Variants in TRIM9 observed in about 807,000 individuals in gnomAD.
TRIM9 encodes the protein tripartite motif containing 9.
In TRIM9, 26 loss-of-function variants were observed where a neutral mutation model predicts 78.3. The observed-to-expected ratio is 0.33, with a 90% CI of 0.24 to 0.46. The LOEUF (loss-of-function observed/expected upper bound fraction) is 0.46. TRIM9 is among the 20% of genes least tolerant of loss of function. The pLI is 1.00. For missense variants in TRIM9, 787 were observed against 1,036.4 expected, an observed-to-expected ratio of 0.76 and a Z score of 3.30; for synonymous variants, 398 against 416.5, an observed-to-expected ratio of 0.96 and a Z score of 0.54.
rs139123393 is a variant in TRIM9 at position 51,024,732 on chromosome 14, G to A, written c.918+533C>T. Among the ~76,000 whole-genome samples the A allele has an allele frequency of 1.2e-4, 19 of 152,052 alleles. No individual in the cohort carries two copies. In the East Asian group the frequency reaches 3.5e-3, roughly 28 times the overall value. On this transcript the variant is annotated intron_variant, in intron 2 of 12. Coordinates refer to ENST00000684578, the MANE Select transcript of TRIM9 (RefSeq NM_001387360.1). ...ATTTAAATGTCTAAGCAGAGGAGAA[G>A]CATTATTGTGGGTCAGGGAGGAAGA...
At chr14:51,064,369 C>T (rs916790257) in intron 1 of TRIM9, among the ~76,000 whole-genome samples, 10 of 151,846 alleles carry the variant, frequency 6.6e-5, no homozygotes, top group Non-Finnish European at 1.0e-4. Flanking sequence ...AGCCTTAAAT[C>T]CAACCTTAGC....
chr14:50,985,855 C>T (rs1409076489), intron 8 of TRIM9, 101 bp downstream of exon 8: 4 of 1,078,284 alleles, frequency 3.7e-6, no homozygotes, highest in East Asian at 5.9e-5. Context: ...ACTAGCTCAT[C>T]CCCCTCACCA....
chr14:51,020,807 A>G (rs2057685953), intron 3 of TRIM9, among the ~76,000 whole-genome samples: 1 of 152,240 alleles, frequency 6.6e-6, no homozygotes, highest in Non-Finnish European at 1.5e-5. Context: ...TCAATCATCA[A>G]AAAATTCCTC....
intron 1 of TRIM9, among the ~76,000 whole-genome samples, chr14:51,057,852 G>A (rs2061008993): frequency 6.6e-6 from 1 of 152,278 alleles, no homozygotes; most frequent in African/African-American, 2.4e-5. Flanking sequence ...CAGGAGGTAA[G>A]TGGAAAAGAT....
chr14:51,036,138 C>A (rs2059131010), intron 1 of TRIM9, among the ~76,000 whole-genome samples: 1 of 152,154 alleles, frequency 6.6e-6, no homozygotes, highest in African/African-American at 2.4e-5. Context: ...CAAAAAGTGG[C>A]TCTTCCACCT....
intron 1 of TRIM9, among the ~76,000 whole-genome samples, chr14:51,048,051 T>G (rs1236106451): frequency 1.3e-5 from 2 of 152,138 alleles, no homozygotes; most frequent in African/African-American, 2.4e-5. Context: ...TGGCTCTAAT[T>G]AATAGCTTGC....
intron 9 of TRIM9, among the ~76,000 whole-genome samples, 197 bp downstream of exon 9, chr14:50,983,183 G>A (rs1293619797): frequency 1.3e-5 from 2 of 152,204 alleles, no homozygotes; most frequent in Non-Finnish European, 2.9e-5. Context: ...TGGGGGAAAA[G>A]TAAGGTTTGA....
At chr14:50,993,689 C>G (rs2053828464) in intron 7 of TRIM9, among the ~76,000 whole-genome samples, 1 of 152,194 alleles carries the variant, frequency 6.6e-6, no homozygotes. Context: ...CTACACAGCG[C>G]TGCTTCATTT....
intron 8 of TRIM9, among the ~76,000 whole-genome samples, chr14:50,985,470 T>C (rs2052578515): frequency 6.6e-6 from 1 of 152,206 alleles, no homozygotes; most frequent in Non-Finnish European, 1.5e-5. Flanking sequence ...GGTGTGTTTT[T>C]ACTTTTATTG....
chr14:50,981,991 A>T lies in TRIM9; in HGVS notation c.1971T>A (p.Thr657=). The stretch of plus-strand genomic sequence containing the variant: ...AGTAGTGGATGCCCTTGGAGAAGCC[A>T]GTCTTCCCTAGCACCACCCGGTCAT... ...SYDDRVVLGK[T]GFSKGIHYWE... The change falls in exon 11 of 13, where the codon ACT becomes ACA. Residue 657 remains threonine, a synonymous_variant. Transcript: ENST00000684578. The T allele has an allele frequency of 6.2e-7, 1 of 1,614,194 alleles. No individual in the cohort carries two copies. The highest frequency in any genetic ancestry group is 8.5e-7 in the Non-Finnish European group (1 of 1,180,034).
At chr14:51,050,371 C>T (rs2060303575) in intron 1 of TRIM9, among the ~76,000 whole-genome samples, 1 of 152,158 alleles carries the variant, frequency 6.6e-6, no homozygotes, top group Non-Finnish European at 1.5e-5. Flanking sequence ...AGAGGAATCC[C>T]CTTTCACTTG....
intron 1 of TRIM9, among the ~76,000 whole-genome samples, 178 bp downstream of exon 1, chr14:51,093,940 C>T (rs1260420449): frequency 6.6e-6 from 1 of 152,252 alleles, no homozygotes; most frequent in Non-Finnish European, 1.5e-5. Flanking sequence ...CTCCCCCGTG[C>T]GCCGGTTAAG....
At chr14:51,045,300 C>T (rs1401604027) in intron 1 of TRIM9, among the ~76,000 whole-genome samples, 1 of 152,228 alleles carries the variant, frequency 6.6e-6, no homozygotes, top group Admixed American at 6.5e-5. Context: ...TTGAAGAACA[C>T]AAAATTTATC....
intron 2 of TRIM9, among the ~76,000 whole-genome samples, chr14:51,023,896 A>ATTTAAGG (rs554195313): frequency 5.8e-4 from 89 of 152,358 alleles, no homozygotes; most frequent in South Asian, 2.5e-3. Flanking sequence ...ATTTAAATTT[A>ATTTAAGG]TTTAAGGCAC....
chr14:50,986,106 G>T lies in TRIM9; in HGVS notation c.1642C>A (p.Pro548Thr). ...CTACGGAGCGGCAATCTTTCCGAAG[G>T]CACTGGAAAAGGGAGGGTCTGTTCT... is the stretch of plus-strand genomic sequence containing the variant. ...SEEQTLPFPVPSERLPLRRMS... is the reference protein window; with the variant it reads ...SEEQTLPFPVTSERLPLRRMS... Residue 548 changes from proline (P) to threonine (T), a missense_variant, in exon 8 of 13, where the codon CCT becomes ACT. Pro to Thr is a conservative substitution (Grantham distance 38). Coordinates refer to ENST00000684578, the MANE Select transcript of TRIM9 (RefSeq NM_001387360.1). 6.5e-7 allele frequency: 1 copy of T among 1,543,762 alleles called. No homozygotes were observed. Among genetic ancestry groups the T allele is most frequent in the Non-Finnish European group, 8.7e-7 (1 of 1,143,424 alleles).
At chr14:51,056,642 C>T (rs1172237199) in intron 1 of TRIM9, among the ~76,000 whole-genome samples, 1 of 152,214 alleles carries the variant, frequency 6.6e-6, no homozygotes, top group African/African-American at 2.4e-5. Context: ...TGGTTTGCAT[C>T]AACAGCTCAG....
intron 1 of TRIM9, among the ~76,000 whole-genome samples, chr14:51,080,727 C>T (rs960216415): frequency 6.6e-6 from 1 of 152,022 alleles, no homozygotes; most frequent in Non-Finnish European, 1.5e-5. Context: ...TTGAATACTG[C>T]CATGGTAACC....
chr14:51,007,832 A>G (rs377286235), intron 5 of TRIM9, among the ~76,000 whole-genome samples: 5 of 151,422 alleles, frequency 3.3e-5, no homozygotes, highest in East Asian at 3.9e-4. Context: ...AAAATAAGAG[A>G]GAGCAAAAAT....
In TRIM9 at chr14:50,998,118, C is replaced by T. The variant is rs2054463183; in HGVS notation, c.1535G>A (p.Arg512Gln). The T allele has an allele frequency of 1.9e-6, 3 of 1,614,170 alleles. No individual in the cohort carries two copies. Among genetic ancestry groups the T allele is most frequent in the South Asian group, 1.1e-5 (1 of 91,072 alleles). ...TCCTGTTTTGTTGAAGGCCTTGACC[C>T]GAGCGTTGTATGTGCTGTTGAAGTG... ...GLHFNSTYNA[R>Q]VKAFNKTGVS... The change falls in exon 7 of 13, where the codon CGG becomes CAG. Residue 512 changes from arginine to glutamine, a missense_variant. Arg to Gln is a conservative substitution (Grantham distance 43). Transcript: ENST00000684578.
Sources: gnomAD v4.1 joint callset for allele counts (sites outside exome capture counted in the v4.1 genomes callset) on GRCh38, gnomAD v4.1.1 for gene constraint, MANE v1.5 for transcripts, NCBI Gene and HGNC (gene_info 2026-07-23, HGNC 2026-07-21) for gene names.